The following TENM4 variants were observed in gnomAD, a reference collection of about 807,000 sequenced individuals.
TENM4 encodes the protein teneurin transmembrane protein 4.
Under a neutral mutation model 243.3 loss-of-function variants are expected in TENM4, and 82 were observed. The observed-to-expected ratio is 0.34, with a 90% CI of 0.28 to 0.40. TENM4 has a LOEUF of 0.40. Ranked by LOEUF, TENM4 falls within the 10% of genes least tolerant of loss-of-function variation. The pLI is 1.00. For missense variants in TENM4, 3,138 were observed against 3,673.3 expected, an observed-to-expected ratio of 0.85 and a Z score of 3.77; for synonymous variants, 1,412 against 1,456.3, an observed-to-expected ratio of 0.97 and a Z score of 0.69.
At chr11:78,862,082 C>G (rs1176531726) in intron 10 of TENM4, among the ~76,000 whole-genome samples, 4 of 152,196 alleles carry the variant, frequency 2.6e-5, no homozygotes, top group Admixed American at 2.0e-4. Context: ...CCCAATGCCA[C>G]CACCATTTCC....
rs75258828 is a variant in TENM4 at position 79,050,738 on chromosome 11, T to C, written c.493+14000A>G. On this transcript the variant is annotated intron_variant, in intron 6 of 33. Coordinates refer to ENST00000278550, the MANE Select transcript of TENM4 (RefSeq NM_001098816.3). ...CAAACTCATTTAGAAGCCAGGCTGC[T>C]GAGCAATGGCAGAAAGAAAATCCCT... 5.3e-3 allele frequency among the ~76,000 whole-genome samples: 804 copies of C among 152,340 alleles called. 5 individuals are homozygous for C. The highest frequency in any genetic ancestry group is 0.018 in the African/African-American group (759 of 41,568).
At chr11:78,728,985 G>A (rs1855586024) in intron 22 of TENM4, among the ~76,000 whole-genome samples, 1 of 132,748 alleles carries the variant, frequency 7.5e-6, no homozygotes, top group Non-Finnish European at 1.5e-5. Context: ...CTTAGTTACT[G>A]CACCTCAAAA....
At chr11:79,349,859 T>C (rs1035697534) in intron 1 of TENM4, among the ~76,000 whole-genome samples, 1 of 152,184 alleles carries the variant, frequency 6.6e-6, no homozygotes, top group Non-Finnish European at 1.5e-5. Flanking sequence ...AGCAGTTAGA[T>C]AGTAGGGCCT....
intron 6 of TENM4, among the ~76,000 whole-genome samples, chr11:78,914,516 A>G (rs1490821875): frequency 1.3e-5 from 2 of 152,198 alleles, no homozygotes; most frequent in African/African-American, 2.4e-5. Context: ...GCTCCTTGTC[A>G]GTGAAGCAGG....
Position 78,784,853 on chromosome 11 carries a change from T to C in TENM4, c.2365+2045A>G, listed in dbSNP as rs550650949. 9.2e-5 allele frequency among the ~76,000 whole-genome samples: 14 copies of C among 152,036 alleles called. No individual in the cohort carries two copies. In the South Asian group the frequency reaches 2.9e-3, roughly 32 times the overall value. ...AGAAAACACTGCCTGTAAAACAGCC[T>C]GCCCACAAGCCCCAACATGAGTCAT... On this transcript the variant is annotated intron_variant, in intron 16 of 33. Coordinates refer to ENST00000278550, the MANE Select transcript of TENM4 (RefSeq NM_001098816.3).
intron 6 of TENM4, among the ~76,000 whole-genome samples, chr11:79,013,845 G>C (rs1858708789): frequency 6.6e-6 from 1 of 152,102 alleles, no homozygotes. Flanking sequence ...CAGAGCCCAG[G>C]CCCCCGCAGT....
intron 4 of TENM4, among the ~76,000 whole-genome samples, chr11:79,082,137 A>G (rs1301941365): frequency 1.3e-5 from 2 of 152,192 alleles, no homozygotes; most frequent in African/African-American, 4.8e-5. Flanking sequence ...GTGAATAAAA[A>G]TATACAACTC....
chr11:78,677,440 G>C (rs1858507325), intron 29 of TENM4, among the ~76,000 whole-genome samples: 1 of 151,928 alleles, frequency 6.6e-6, no homozygotes, highest in East Asian at 1.9e-4. Flanking sequence ...ATATTTTGTA[G>C]AGACCAGGTT....
chr11:79,129,440 C>G (rs1378168189), intron 4 of TENM4, among the ~76,000 whole-genome samples: 1 of 152,172 alleles, frequency 6.6e-6, no homozygotes, highest in Non-Finnish European at 1.5e-5. Flanking sequence ...GAACCAAGCC[C>G]TTTTCTTTTG....
intron 12 of TENM4, among the ~76,000 whole-genome samples, chr11:78,832,348 C>T (rs895462573): frequency 6.6e-6 from 1 of 152,220 alleles, no homozygotes; most frequent in African/African-American, 2.4e-5. Context: ...AACGTTAAGT[C>T]TTCTCAGGCT....
chr11:79,238,664 T>TTC (rs61547277), intron 2 of TENM4, among the ~76,000 whole-genome samples: 163 of 149,744 alleles, frequency 1.1e-3, no homozygotes, highest in Non-Finnish European at 1.1e-3. Flanking sequence ...ATAAATCTCT[T>TTC]TCTCTCTCTC....
In TENM4 at chr11:78,676,279, G is replaced by T. The variant is rs2135696907; in HGVS notation, c.5369C>A (p.Thr1790Asn). The T allele has an allele frequency of 6.2e-7, 1 of 1,612,774 alleles. No homozygotes were observed. Among genetic ancestry groups the T allele is most frequent in the Non-Finnish European group, 8.5e-7 (1 of 1,178,972 alleles). ...LQTEPHLLAG[T>N]VNPTVGKRNV... ...CCTCTTGCCCACGGTGGGGTTGACG[G>T]TGCCAGCCAGCAAGTGGGGCTCAGT... The change falls in exon 30 of 34, where the codon ACC becomes AAC. Residue 1790 changes from threonine (T) to asparagine (N), a missense_variant. By Grantham distance (65) the Thr-to-Asn change is moderately conservative. Transcript: ENST00000278550.
Position 79,320,701 on chromosome 11 carries a change from C to T in TENM4, c.-320-23158G>A, listed in dbSNP as rs572053603. 1.2e-4 allele frequency among the ~76,000 whole-genome samples: 19 copies of T among 152,256 alleles called. No individual in the cohort carries two copies. In the East Asian group the frequency reaches 3.7e-3, roughly 29 times the overall value. On this transcript the variant is annotated intron_variant, in intron 1 of 33. Coordinates refer to ENST00000278550, the MANE Select transcript of TENM4 (RefSeq NM_001098816.3). Reference sequence around the variant, plus strand: ...AAGGGGAAAAAATAATTACTAAGGGCTTATTCTGTGCCGATAATGATGATA... The same window carrying T: ...AAGGGGAAAAAATAATTACTAAGGGTTTATTCTGTGCCGATAATGATGATA...
chr11:79,308,555 G>A (rs1474337075), intron 1 of TENM4, among the ~76,000 whole-genome samples: 1 of 152,170 alleles, frequency 6.6e-6, no homozygotes, highest in Non-Finnish European at 1.5e-5. Flanking sequence ...TTCACAGTGG[G>A]AGAAAATGGT....
At position 78,716,372 on chromosome 11, in the gene TENM4, A is replaced by C. The variant is rs144891298; in HGVS notation, c.3822-3658T>G. Among the ~76,000 whole-genome samples the C allele has an allele frequency of 1.0e-2, 1,518 of 152,166 alleles. 10 individuals are homozygous for C. Among genetic ancestry groups the C allele is most frequent in the Non-Finnish European group, 0.016 (1,083 of 68,006 alleles). Reference sequence around the variant, plus strand: ...CTCCACTAGAGCTTACAAAGTTTATACTTTTAGTATCTGTAGCACCAATTA... The same window carrying C: ...CTCCACTAGAGCTTACAAAGTTTATCCTTTTAGTATCTGTAGCACCAATTA... On this transcript the variant is annotated intron_variant, in intron 25 of 33. Transcript: ENST00000278550.
intron 6 of TENM4, among the ~76,000 whole-genome samples, chr11:79,020,056 A>G (rs941731461): frequency 2.0e-5 from 3 of 152,162 alleles, no homozygotes; most frequent in Non-Finnish European, 4.4e-5. Flanking sequence ...TTATCCCCAC[A>G]ATCCCTTGCC....
At chr11:79,031,813 G>A (rs991280665) in intron 6 of TENM4, among the ~76,000 whole-genome samples, 1 of 152,180 alleles carries the variant, frequency 6.6e-6, no homozygotes, top group African/African-American at 2.4e-5. Context: ...TTCTTAACAT[G>A]AGCAATTTTG....
In TENM4 at chr11:78,959,571, C is replaced by T. The variant is rs1379698839; in HGVS notation, c.494-56048G>A. Among the ~76,000 whole-genome samples the T allele has an allele frequency of 2.0e-5, 3 of 152,184 alleles. No homozygotes were observed. In the East Asian group the frequency reaches 5.8e-4, roughly 30 times the overall value. On this transcript the variant is annotated intron_variant, in intron 6 of 33. Coordinates refer to ENST00000278550, the MANE Select transcript of TENM4 (RefSeq NM_001098816.3). ...CATTGAGCTCTCTCATGATCCCAAC[C>T]CCAGAGGAACAGACCAGTAAGGACC... is the stretch of plus-strand genomic sequence containing the variant.
chr11:79,162,668 C>T lies in TENM4; in HGVS notation c.-162-13862G>A, dbSNP rs562057013. Among the ~76,000 whole-genome samples, 141 of 152,286 alleles carry T rather than the reference C, an allele frequency of 9.3e-4. No homozygotes were observed. In the Middle Eastern group the frequency reaches 0.01, roughly 11 times the overall value. On this transcript the variant is annotated intron_variant, in intron 3 of 33. Transcript: ENST00000278550. The stretch of plus-strand genomic sequence containing the variant: ...AGATGAAATGGCAAGCTCTGGACAG[C>T]CTTCGAGTCCTCCTCCACATTCCCT...
Sources: gnomAD v4.1 joint callset for allele counts (sites outside exome capture counted in the v4.1 genomes callset) on GRCh38, gnomAD v4.1.1 for gene constraint, MANE v1.5 for transcripts, NCBI Gene and HGNC (gene_info 2026-07-23, HGNC 2026-07-21) for gene names.